Variants in PTPRM observed in about 807,000 individuals in gnomAD.
The protein encoded by PTPRM is receptor-type tyrosine-protein phosphatase mu.
A neutral mutation model predicts 186.7 loss-of-function variants in PTPRM; 47 were observed. The observed-to-expected ratio is 0.25, with a 90% CI of 0.20 to 0.32. The LOEUF is 0.32. Among genes scored for constraint, PTPRM ranks in the 10% least tolerant of loss-of-function variants. The pLI, the probability that PTPRM is intolerant of heterozygous loss-of-function variation, is 1.00. For missense variants in PTPRM, 1,494 were observed against 1,865.0 expected (o/e 0.80, Z 3.66); for synonymous variants, 668 against 674.9 (o/e 0.99, Z 0.16).
At chr18:8,226,292 A>C (rs1206390127) in intron 14 of PTPRM, among the ~76,000 whole-genome samples, 1 of 145,514 alleles carries the variant, frequency 6.9e-6, no homozygotes, top group African/African-American at 2.6e-5. Flanking sequence ...ACATACATAC[A>C]AACACAAATA....
At chr18:8,302,501 G>C (rs531892290) in intron 20 of PTPRM, among the ~76,000 whole-genome samples, 2 of 152,104 alleles carry the variant, frequency 1.3e-5, no homozygotes, top group Non-Finnish European at 1.5e-5. Flanking sequence ...GGTTGGGGGG[G>C]TGTTAATAAA....
chr18:8,086,712 G>A (rs1320550391), intron 10 of PTPRM, among the ~76,000 whole-genome samples: 1 of 151,964 alleles, frequency 6.6e-6, no homozygotes, highest in Non-Finnish European at 1.5e-5. Context: ...TCCTTGTTTT[G>A]TATTAATAAA....
chr18:8,090,223 T>G (rs2090639123), intron 11 of PTPRM, among the ~76,000 whole-genome samples: 1 of 152,152 alleles, frequency 6.6e-6, no homozygotes, highest in African/African-American at 2.4e-5. Context: ...GCTCAGTCTT[T>G]TTTGACTTTA....
intron 14 of PTPRM, among the ~76,000 whole-genome samples, chr18:8,201,994 T>G: frequency 1.3e-5 from 2 of 152,358 alleles, no homozygotes; most frequent in South Asian, 4.1e-4. Context: ...CTTCTCCACA[T>G]GTTTACTGAC....
At chr18:8,006,667 A>G (rs1166165183) in intron 7 of PTPRM, among the ~76,000 whole-genome samples, 1 of 152,178 alleles carries the variant, frequency 6.6e-6, no homozygotes. Context: ...AGACAGATTC[A>G]GGATTTTAGA....
chr18:7,772,383 C>CTTT (rs1210039114), intron 1 of PTPRM, among the ~76,000 whole-genome samples: 1 of 120,898 alleles, frequency 8.3e-6, no homozygotes, highest in African/African-American at 3.1e-5. Context: ...TTCTTTCTTT[C>CTTT]TTTCTTTCTT....
chr18:8,309,507 C>T (rs1011124824), intron 20 of PTPRM, among the ~76,000 whole-genome samples: 1 of 151,980 alleles, frequency 6.6e-6, no homozygotes, highest in Admixed American at 6.6e-5. Flanking sequence ...GACACAGCTC[C>T]TCTTAAATAG....
intron 14 of PTPRM, among the ~76,000 whole-genome samples, chr18:8,219,995 G>A (rs936728319): frequency 1.3e-5 from 2 of 152,110 alleles, no homozygotes; most frequent in African/African-American, 4.8e-5. Flanking sequence ...ATAACGAGGT[G>A]TGTCTGACCT....
chr18:8,250,022 T>A (rs756013351), intron 17 of PTPRM, among the ~76,000 whole-genome samples: 1 of 152,188 alleles, frequency 6.6e-6, no homozygotes, highest in Admixed American at 6.5e-5. Flanking sequence ...ATTTAAGATA[T>A]ATATATCTAC....
intron 7 of PTPRM, among the ~76,000 whole-genome samples, chr18:7,985,110 T>C (rs1392334587): frequency 1.5e-5 from 2 of 130,538 alleles, no homozygotes; most frequent in African/African-American, 2.9e-5. Context: ...TATATACATA[T>C]AATTGTATAT....
intron 7 of PTPRM, among the ~76,000 whole-genome samples, chr18:8,035,139 A>C (rs146436558): frequency 1.2e-3 from 178 of 152,320 alleles, no homozygotes; most frequent in African/African-American, 4.0e-3. Flanking sequence ...GAATCTTCCA[A>C]ACTATCAAAT....
chr18:7,689,289 T>G (rs765567641), intron 1 of PTPRM, among the ~76,000 whole-genome samples: 1 of 152,232 alleles, frequency 6.6e-6, no homozygotes, highest in Non-Finnish European at 1.5e-5. Flanking sequence ...TAGAAGTCCC[T>G]GAGTTCTAGG....
chr18:7,948,055 GAGGTCT>G (rs1160253489), intron 5 of PTPRM, among the ~76,000 whole-genome samples: 1 of 151,422 alleles, frequency 6.6e-6, no homozygotes, highest in African/African-American at 2.4e-5. Flanking sequence ...TATTAGCCTT[GAGGTCT>G]TTGTCCATTG....
chr18:8,124,076 G>C (rs1176050283), intron 13 of PTPRM, among the ~76,000 whole-genome samples: 1 of 152,162 alleles, frequency 6.6e-6, no homozygotes, highest in Non-Finnish European at 1.5e-5. Flanking sequence ...TAGACACAGT[G>C]AGTGTCATTA....
At chr18:8,138,519 A>G (rs7234200) in intron 13 of PTPRM, among the ~76,000 whole-genome samples, 3,731 of 152,012 alleles carry the variant, frequency 0.025, 134 homozygotes, top group African/African-American at 0.086. Flanking sequence ...GAGATTTCTC[A>G]CACCTCCGTT....
chr18:8,390,056 C>T (rs1008991461), intron 31 of PTPRM, among the ~76,000 whole-genome samples: 4 of 152,120 alleles, frequency 2.6e-5, no homozygotes, highest in Non-Finnish European at 4.4e-5. Flanking sequence ...CAACAGCTGC[C>T]GAAAGTATTA....
In PTPRM at chr18:7,795,789, G is replaced by T. The variant is rs866156182; in HGVS notation, c.196+21518G>T. Among the ~76,000 whole-genome samples the T allele has an allele frequency of 1.5e-3, 214 of 147,314 alleles. 1 individual carries two copies. Among genetic ancestry groups the T allele is most frequent in the African/African-American group, 5.0e-3 (199 of 40,092 alleles). ...CCAAGATATTACCACTATTTTTATC[G>T]CATTTTTTCTTTCTTTCTTTCTTTT... On this transcript the variant is annotated intron_variant, in intron 2 of 32. Transcript: ENST00000580170.
At chr18:8,383,451 T>A (rs2095752044) in intron 29 of PTPRM, among the ~76,000 whole-genome samples, 1 of 152,092 alleles carries the variant, frequency 6.6e-6, no homozygotes, top group African/African-American at 2.4e-5. Context: ...GAAAAAAATC[T>A]TAGCAGTTCT....
At chr18:8,362,131 G>A (rs1568830209) in intron 23 of PTPRM, among the ~76,000 whole-genome samples, 2 of 152,080 alleles carry the variant, frequency 1.3e-5, no homozygotes, top group Admixed American at 6.6e-5. Context: ...CAAGCAAGCC[G>A]CTGGTGATGG....
Sources: allele counts gnomAD v4.1 joint callset (sites outside exome capture counted in the v4.1 genomes callset), GRCh38; gene constraint gnomAD v4.1.1; transcripts MANE v1.5; gene names NCBI Gene and HGNC (gene_info 2026-07-23, HGNC 2026-07-21).